AKAP6: variants seen among roughly 807,000 people sequenced by gnomAD.
The protein encoded by AKAP6 is A-kinase anchor protein 6.
In AKAP6, 58 loss-of-function variants were observed where a neutral mutation model predicts 188.5. The ratio of observed to expected loss-of-function variants is 0.31; its 90% CI spans 0.25 to 0.38. AKAP6 has a LOEUF of 0.38. Among genes scored for constraint, AKAP6 ranks in the 10% least tolerant of loss-of-function variants. The probability of loss-of-function intolerance (pLI) is 1.00; values close to 1 mark genes in which losing one functional copy is unlikely to be tolerated. For missense variants in AKAP6, 2,710 were observed against 2,740.0 expected (o/e 0.99, Z 0.24); for synonymous variants, 989 against 998.6 (o/e 0.99, Z 0.18).
At chr14:32,421,707 T>C (rs912969515) in intron 1 of AKAP6, among the ~76,000 whole-genome samples, 19 of 152,186 alleles carry the variant, frequency 1.2e-4, no homozygotes, top group African/African-American at 4.3e-4. Flanking sequence ...AGTAAAAGAC[T>C]AGAAAGCTGA....
At chr14:32,619,033 GT>G (rs979248572) in intron 7 of AKAP6, among the ~76,000 whole-genome samples, 30 of 147,564 alleles carry the variant, frequency 2.0e-4, no homozygotes, top group Middle Eastern at 3.5e-3. Flanking sequence ...GGGATTATTT[GT>G]TTTTTTTTTC....
intron 11 of AKAP6, among the ~76,000 whole-genome samples, chr14:32,759,815 G>T (rs925319077): frequency 6.6e-6 from 1 of 152,038 alleles, no homozygotes; most frequent in African/African-American, 2.4e-5. Flanking sequence ...GCACCAAATC[G>T]TGAGGGATCT....
chr14:32,544,161 C>T (rs1403864967), intron 3 of AKAP6, among the ~76,000 whole-genome samples: 4 of 152,186 alleles, frequency 2.6e-5, no homozygotes, highest in Non-Finnish European at 5.9e-5. Flanking sequence ...AATCCAGCTT[C>T]AATTGGCTCA....
intron 3 of AKAP6, among the ~76,000 whole-genome samples, chr14:32,538,522 T>A (rs547411487): frequency 3.9e-5 from 6 of 152,016 alleles, no homozygotes; most frequent in Non-Finnish European, 7.4e-5. Context: ...ATGAACTTTA[T>A]TCTTTATTTA....
intron 2 of AKAP6, among the ~76,000 whole-genome samples, chr14:32,519,472 A>T (rs1006808424): frequency 2.4e-4 from 36 of 152,144 alleles, no homozygotes; most frequent in Admixed American, 2.4e-3. Context: ...GAGACACACA[A>T]AAACTCAAAA....
In AKAP6 at chr14:32,705,244, G is replaced by T. The variant is rs116499659; in HGVS notation, c.3000+9134G>T. ...AGATTCATTTCTTTGGGGTAAAGAAGAATGCACTCTACTGAATGCAGATAT... is the reference window on the plus strand; with the variant it reads ...AGATTCATTTCTTTGGGGTAAAGAATAATGCACTCTACTGAATGCAGATAT... On this transcript the variant is annotated intron_variant, in intron 9 of 13. Coordinates refer to ENST00000280979, the MANE Select transcript of AKAP6 (RefSeq NM_004274.5). 3.8e-3 allele frequency among the ~76,000 whole-genome samples: 583 copies of T among 152,260 alleles called. 4 individuals are homozygous for T. The highest frequency in any genetic ancestry group is 0.013 in the African/African-American group (525 of 41,562).
chr14:32,487,690 TG>T (rs1879777522), intron 2 of AKAP6, among the ~76,000 whole-genome samples: 1 of 152,250 alleles, frequency 6.6e-6, no homozygotes, highest in Non-Finnish European at 1.5e-5. Flanking sequence ...TATCTACCTT[TG>T]GTCTTTGATG....
intron 1 of AKAP6, among the ~76,000 whole-genome samples, chr14:32,381,511 C>A (rs1888359886): frequency 6.6e-6 from 1 of 152,000 alleles, no homozygotes; most frequent in East Asian, 1.9e-4. Flanking sequence ...TGACTTTATT[C>A]AATCAACATA....
intron 11 of AKAP6, among the ~76,000 whole-genome samples, chr14:32,751,267 C>G (rs1222778600): frequency 6.6e-6 from 1 of 151,838 alleles, no homozygotes; most frequent in Non-Finnish European, 1.5e-5. Context: ...AGTATTTTTT[C>G]CAAACCCTTG....
intron 10 of AKAP6, chr14:32,732,836 A>G (rs1300999082): frequency 6.6e-6 from 4 of 608,132 alleles, no homozygotes; most frequent in Non-Finnish European, 8.7e-6. Context: ...TCTTTAATAC[A>G]TGAAAAAGTA....
chr14:32,597,506 T>G lies in AKAP6; in HGVS notation c.2470-1904T>G, dbSNP rs192625198. Among the ~76,000 whole-genome samples, 353 of 152,326 alleles carry G rather than the reference T, an allele frequency of 2.3e-3. 4 individuals carry two copies. Among genetic ancestry groups the G allele is most frequent in the African/African-American group, 7.9e-3 (327 of 41,586 alleles). ...GTCCGTGGCAGTGGCAAAAAGTAAGTGCAGGCACGTTTTGACTATAAAATA... is the reference window on the plus strand; with the variant it reads ...GTCCGTGGCAGTGGCAAAAAGTAAGGGCAGGCACGTTTTGACTATAAAATA... On this transcript the variant is annotated intron_variant, in intron 5 of 13. Coordinates refer to ENST00000280979, the MANE Select transcript of AKAP6 (RefSeq NM_004274.5).
chr14:32,784,057 G>A (rs1395385620), intron 12 of AKAP6, among the ~76,000 whole-genome samples: 2 of 152,116 alleles, frequency 1.3e-5, no homozygotes, highest in Non-Finnish European at 2.9e-5. Flanking sequence ...ATATGGAGAA[G>A]TTTTAATTGT....
chr14:32,508,243 G>T (rs867438987), intron 2 of AKAP6, among the ~76,000 whole-genome samples: 27 of 152,300 alleles, frequency 1.8e-4, no homozygotes, highest in Middle Eastern at 3.4e-3. Flanking sequence ...TAGTGAAAGA[G>T]GTAATTATTG....
At chr14:32,503,887 T>C (rs1448606564) in intron 2 of AKAP6, among the ~76,000 whole-genome samples, 1 of 152,042 alleles carries the variant, frequency 6.6e-6, no homozygotes, top group Non-Finnish European at 1.5e-5. Context: ...TCCAACTCTT[T>C]CCCATCCTAC....
chr14:32,535,275 C>T (rs1261568460), intron 2 of AKAP6, among the ~76,000 whole-genome samples: 2 of 152,150 alleles, frequency 1.3e-5, no homozygotes. Context: ...GAGAGATGCA[C>T]CTCTCACCTT....
chr14:32,771,552 C>A (rs1176297008), intron 11 of AKAP6, among the ~76,000 whole-genome samples: 1 of 151,994 alleles, frequency 6.6e-6, no homozygotes, highest in East Asian at 1.9e-4. Context: ...TGAAAAATTT[C>A]TCCTAGCAAC....
At chr14:32,683,084 C>A (rs1455598810) in intron 8 of AKAP6, among the ~76,000 whole-genome samples, 1 of 151,142 alleles carries the variant, frequency 6.6e-6, no homozygotes. Context: ...ACCTCCGCCT[C>A]TTGGGTTCAA....
intron 9 of AKAP6, chr14:32,726,110 A>T: frequency 1.1e-6 from 1 of 884,028 alleles, no homozygotes; most frequent in Non-Finnish European, 1.4e-6. Context: ...AAGGTTTTCT[A>T]GTTCCCACAC....
At chr14:32,626,583 C>G (rs1285921352) in intron 7 of AKAP6, among the ~76,000 whole-genome samples, 1 of 152,074 alleles carries the variant, frequency 6.6e-6, no homozygotes, top group African/African-American at 2.4e-5. Context: ...TGGACCTGCT[C>G]ACAGCTTCTC....
Sources: gnomAD v4.1 joint callset for allele counts (sites outside exome capture counted in the v4.1 genomes callset) on GRCh38, gnomAD v4.1.1 for gene constraint, MANE v1.5 for transcripts, NCBI Gene and HGNC (gene_info 2026-07-23, HGNC 2026-07-21) for gene names.